The following RCN2 variants were observed in gnomAD, a reference collection of about 807,000 sequenced individuals.
RCN2 encodes the protein reticulocalbin-2.
A neutral mutation model predicts 37.5 loss-of-function variants in RCN2; 23 were observed. The ratio of observed to expected loss-of-function variants is 0.61; its 90% confidence interval spans 0.44 to 0.87. The LOEUF (loss-of-function observed/expected upper bound fraction) is 0.87. Ranked by LOEUF, RCN2 falls within the 40% of genes least tolerant of loss-of-function variation. The pLI is 0.00. For synonymous variants in RCN2, 140 were observed against 144.6 expected (o/e 0.97, Z 0.23); for missense variants, 381 against 390.4 (o/e 0.98, Z 0.20).
At chr15:76,948,780 T>C (rs2075306946) in intron 6 of RCN2, 1 of 527,160 alleles carries the variant, frequency 1.9e-6, no homozygotes, top group African/African-American at 1.9e-5. Flanking sequence ...AGAATAATAG[T>C]TTGTATTTAC....
intron 2 of RCN2, among the ~76,000 whole-genome samples, chr15:76,934,344 C>A (rs371257232): frequency 6.6e-6 from 1 of 151,786 alleles, no homozygotes; most frequent in African/African-American, 2.4e-5. Context: ...GGGTTTTACC[C>A]GAGACCAGGC....
Position 76,932,484 on chromosome 15 carries a change from C to T in RCN2, c.250+18C>T, listed in dbSNP as rs563038685. The T allele has an allele frequency of 5.8e-5, 87 of 1,492,348 alleles. No homozygotes were observed. The South Asian group carries it at 9.2e-4, about 16-fold the overall frequency. The allele number at this position is 1,492,348 out of a possible 1,614,324, so 92.4% of individuals were successfully genotyped here. ...CACTGAAAGTAAGGACTGCCCTACA[C>T]GACTAACAATGGAGACAAACACAAA... On this transcript the variant is annotated intron_variant, in intron 2 of 6. Transcript: ENST00000394885.
At chr15:76,939,097 T>G (rs2075265960) in intron 3 of RCN2, among the ~76,000 whole-genome samples, 1 of 152,146 alleles carries the variant, frequency 6.6e-6, no homozygotes, top group Non-Finnish European at 1.5e-5. Flanking sequence ...ATGGGCATGA[T>G]GGTCCGTCCT....
At chr15:76,942,987 T>C (rs952131071) in intron 3 of RCN2, 1 of 152,138 alleles carries the variant, frequency 6.6e-6, no homozygotes, top group Non-Finnish European at 1.5e-5. Flanking sequence ...TAGGTACATA[T>C]ACTAATATTA....
intron 6 of RCN2, 40 bp from the exon 7 acceptor site, chr15:76,949,030 A>C: frequency 6.5e-7 from 1 of 1,527,426 alleles, no homozygotes; most frequent in Non-Finnish European, 8.8e-7. Context: ...CTTGCTGAAA[A>C]TACTTATTAC....
chr15:76,948,939 A>G, intron 6 of RCN2, 131 bp from the exon 7 acceptor site: 7 of 836,248 alleles, frequency 8.4e-6, no homozygotes, highest in Non-Finnish European at 1.1e-5. Flanking sequence ...AACGTGTAAC[A>G]TTTTTAGATA....
At chr15:76,932,299 TCCA>T in intron 1 of RCN2, 59 bp from the exon 2 acceptor site, 1 of 1,323,464 alleles carries the variant, frequency 7.6e-7, no homozygotes, top group Non-Finnish European at 1.1e-6. Flanking sequence ...CCTGTTTTTC[TCCA>T]CCATTTTGCC....
chr15:76,936,340 C>T (rs1363114387), intron 3 of RCN2, among the ~76,000 whole-genome samples: 1 of 152,058 alleles, frequency 6.6e-6, no homozygotes, highest in Non-Finnish European at 1.5e-5. Context: ...CTTTTTGGCA[C>T]CAGGGACCAG....
intron 1 of RCN2, among the ~76,000 whole-genome samples, 169 bp from the exon 2 acceptor site, chr15:76,932,192 T>C (rs2075226513): frequency 6.6e-6 from 1 of 152,098 alleles, no homozygotes; most frequent in South Asian, 2.1e-4. Context: ...GGATCCCTTC[T>C]ACCCCTCAGA....
At chr15:76,936,880 C>G (rs564237483) in intron 3 of RCN2, among the ~76,000 whole-genome samples, 6 of 152,282 alleles carry the variant, frequency 3.9e-5, no homozygotes, top group Non-Finnish European at 7.4e-5. Context: ...CAACCAATCT[C>G]CCCGACTCTT....
At chr15:76,935,818 G>T in intron 3 of RCN2, 96 bp downstream of exon 3, 1 of 855,632 alleles carries the variant, frequency 1.2e-6, no homozygotes, top group Non-Finnish European at 1.8e-6. Flanking sequence ...GTCATAAGCT[G>T]GATTGTCTTG....
intron 3 of RCN2, chr15:76,942,012 CA>C (rs1333211244): frequency 3.0e-5 from 6 of 197,102 alleles, no homozygotes; most frequent in African/African-American, 1.4e-4. Flanking sequence ...ACATAAAATG[CA>C]AATTATTTGG....
At chr15:76,941,747 G>T in intron 3 of RCN2, 1 of 849,866 alleles carries the variant, frequency 1.2e-6, no homozygotes, top group Non-Finnish European at 1.7e-6. Flanking sequence ...ACCAGAAAAA[G>T]CTACCCCCTT....
At chr15:76,937,028 A>G (rs1243716436) in intron 3 of RCN2, among the ~76,000 whole-genome samples, 4 of 152,194 alleles carry the variant, frequency 2.6e-5, no homozygotes, top group Non-Finnish European at 1.5e-5. Flanking sequence ...AAGTAGAATC[A>G]TACGCCGTAT....
intron 3 of RCN2, among the ~76,000 whole-genome samples, chr15:76,939,426 CTT>C (rs1415052147): frequency 5.9e-5 from 9 of 152,142 alleles, no homozygotes; most frequent in East Asian, 5.8e-4. Context: ...CTTTTTAAAA[CTT>C]TATGCATTTG....
intron 4 of RCN2, among the ~76,000 whole-genome samples, chr15:76,945,042 T>C (rs2075291533): frequency 6.6e-6 from 1 of 152,368 alleles, no homozygotes; most frequent in South Asian, 2.1e-4. Flanking sequence ...ATGAATTGTA[T>C]AACCAGAATT....
intron 4 of RCN2, 107 bp downstream of exon 4, chr15:76,943,978 A>G (rs901421766): frequency 2.8e-6 from 1 of 356,202 alleles, no homozygotes; most frequent in Non-Finnish European, 5.1e-6. Flanking sequence ...TATGGGATAC[A>G]TGAGACTTTT....
At chr15:76,936,808 G>T (rs1468678934) in intron 3 of RCN2, among the ~76,000 whole-genome samples, 2 of 152,142 alleles carry the variant, frequency 1.3e-5, no homozygotes, top group Non-Finnish European at 2.9e-5. Context: ...GTAACAAATT[G>T]ACCATTGTAA....
chr15:76,947,383 G>GA (rs2075300712), intron 4 of RCN2, 38 bp from the exon 5 acceptor site: 1 of 1,356,056 alleles, frequency 7.4e-7, no homozygotes, highest in Non-Finnish European at 1.0e-6. Flanking sequence ...TGAACATTTT[G>GA]TAACTTTTTT....
Sources: gnomAD v4.1 joint callset for allele counts (sites outside exome capture counted in the v4.1 genomes callset) on GRCh38, gnomAD v4.1.1 for gene constraint, MANE v1.5 for transcripts, NCBI Gene and HGNC (gene_info 2026-07-23, HGNC 2026-07-21) for gene names.